The following FRYL variants were observed in gnomAD, a reference collection of about 807,000 sequenced individuals.
FRYL encodes protein furry homolog-like.
In FRYL, 150 loss-of-function variants were observed where a neutral mutation model predicts 351.2. The observed-to-expected ratio is 0.43, with a 90% CI of 0.37 to 0.49. The LOEUF is 0.49. Among genes scored for constraint, FRYL ranks in the 20% least tolerant of loss-of-function variants. The probability of loss-of-function intolerance (pLI) is 0.00; values close to 1 mark genes in which losing one functional copy is unlikely to be tolerated. For synonymous variants in FRYL, 1,153 were observed against 1,257.1 expected, an observed-to-expected ratio of 0.92 and a Z score of 1.75; for missense variants, 3,036 against 3,619.3, an observed-to-expected ratio of 0.84 and a Z score of 4.13.
intron 55 of FRYL, among the ~76,000 whole-genome samples, chr4:48,517,535 C>T (rs1465184210): frequency 6.6e-6 from 1 of 152,114 alleles, no homozygotes; most frequent in Non-Finnish European, 1.5e-5. Context: ...TAGACAATGA[C>T]ACATGCACAT....
rs1719055133 is a variant in FRYL, at chr4:48,499,460, C to G, written c.9004G>C (p.Ala3002Pro). The change falls in exon 64 of 64, where the codon GCC becomes CCC. Residue 3002 changes from alanine to proline, a missense_variant. Physicochemically the swap from Ala to Pro is conservative, Grantham distance 27. Around this residue, in one of 7 missense-constraint regions of FRYL, gnomAD observed 1,987 missense variants for 2,311.7 expected, o/e 0.86. Transcript: ENST00000358350. ...CTCACCATATTTCCCATTGGTTTGGCCTGTGCTAGAAGTTGGTATGATTGC... is the reference window on the plus strand; with the variant it reads ...CTCACCATATTTCCCATTGGTTTGGGCTGTGCTAGAAGTTGGTATGATTGC... ...MVQSYQLLAQAKPMGNMVSTG... is the reference protein window; with the variant it reads ...MVQSYQLLAQPKPMGNMVSTG... 1 of 1,613,992 alleles carries G rather than the reference C, an allele frequency of 6.2e-7. No individual in the cohort carries two copies.
chr4:48,740,515 G>C (rs565737491), intron 1 of FRYL, among the ~76,000 whole-genome samples: 7 of 151,802 alleles, frequency 4.6e-5, no homozygotes, highest in Non-Finnish European at 1.0e-4. Context: ...GGCTGGTCTC[G>C]AACTCCTGAC....
chr4:48,688,955 G>A (rs930626362), intron 2 of FRYL, among the ~76,000 whole-genome samples: 8 of 151,832 alleles, frequency 5.3e-5, no homozygotes, highest in Non-Finnish European at 7.4e-5. Flanking sequence ...GAGCTACCGC[G>A]GCCAGCCTCT....
At chr4:48,534,453 C>T (rs2148897497) in intron 49 of FRYL, 92 bp downstream of exon 49, 1 of 954,520 alleles carries the variant, frequency 1.0e-6, no homozygotes, top group Non-Finnish European at 1.6e-6. Context: ...ACCACTTCCC[C>T]ATTCTTCGAC....
At chr4:48,711,007 C>T (rs1221375329) in intron 1 of FRYL, among the ~76,000 whole-genome samples, 10 of 152,146 alleles carry the variant, frequency 6.6e-5, no homozygotes, top group African/African-American at 9.7e-5. Context: ...TATTACCTTG[C>T]CATGAAAAGG....
chr4:48,588,035 G>A (rs757866672), intron 18 of FRYL, among the ~76,000 whole-genome samples: 27 of 152,094 alleles, frequency 1.8e-4, no homozygotes, highest in African/African-American at 6.3e-4. Flanking sequence ...CTTTGCTTTC[G>A]CTCTTTGGTC....
intron 3 of FRYL, among the ~76,000 whole-genome samples, chr4:48,662,706 A>T (rs908475492): frequency 3.3e-5 from 5 of 150,770 alleles, no homozygotes; most frequent in Non-Finnish European, 5.9e-5. Flanking sequence ...TGGGCAGATC[A>T]ATTGAGCCCA....
chr4:48,685,069 T>A (rs185400388), intron 2 of FRYL, among the ~76,000 whole-genome samples: 57 of 152,280 alleles, frequency 3.7e-4, no homozygotes, highest in African/African-American at 1.3e-3. Context: ...TTCATTTATA[T>A]CTTCATCCAC....
At chr4:48,668,886 T>C in intron 3 of FRYL, among the ~76,000 whole-genome samples, 1 of 152,212 alleles carries the variant, frequency 6.6e-6, no homozygotes, top group East Asian at 1.9e-4. Flanking sequence ...GGTTAACCCT[T>C]GGACTGAATA....
chr4:48,511,616 C>A (rs538224726), intron 57 of FRYL, among the ~76,000 whole-genome samples: 1 of 152,026 alleles, frequency 6.6e-6, no homozygotes, highest in Non-Finnish European at 1.5e-5. Context: ...AGCATAAATC[C>A]GCACTTTCAG....
At chr4:48,526,757 G>C (rs1726324633) in intron 53 of FRYL, among the ~76,000 whole-genome samples, 1 of 152,098 alleles carries the variant, frequency 6.6e-6, no homozygotes, top group Non-Finnish European at 1.5e-5. Flanking sequence ...TACTTTCTGA[G>C]TTTTAAATTC....
In FRYL at chr4:48,565,705, AAGAT is replaced by A. The variant is rs1490362884; in HGVS notation, c.3170-18_3170-15del. 5.6e-6 allele frequency: 9 copies of A among 1,602,264 alleles called. No individual in the cohort carries two copies. The highest frequency in any genetic ancestry group is 6.8e-6 in the Non-Finnish European group (8 of 1,176,460). On this transcript the variant is annotated splice_polypyrimidine_tract_variant and intron_variant, in intron 28 of 63. Transcript: ENST00000358350. The stretch of plus-strand genomic sequence containing the variant: ...TTCTCTGGTGCACTGTGAATAAAAA[AAGAT>A]AGAAAACATTTATTTCCATTTCTTT...
At chr4:48,728,391 C>T (rs1376626370) in intron 1 of FRYL, among the ~76,000 whole-genome samples, 1 of 151,302 alleles carries the variant, frequency 6.6e-6, no homozygotes. Flanking sequence ...AACTGTGGGA[C>T]AATTACAAAG....
At chr4:48,515,594 G>A (rs1404051469) in intron 55 of FRYL, among the ~76,000 whole-genome samples, 2 of 152,052 alleles carry the variant, frequency 1.3e-5, no homozygotes, top group South Asian at 2.1e-4. Context: ...GGATGGTCTC[G>A]ATCTCTTGAC....
intron 61 of FRYL, 124 bp downstream of exon 61, chr4:48,502,704 G>A (rs1719977656): frequency 4.7e-6 from 3 of 643,590 alleles, no homozygotes; most frequent in South Asian, 4.6e-5. Context: ...CAAAACTGAA[G>A]CACATACTAC....
intron 2 of FRYL, among the ~76,000 whole-genome samples, chr4:48,706,281 T>C (rs1767336213): frequency 1.3e-5 from 2 of 152,210 alleles, no homozygotes; most frequent in South Asian, 4.1e-4. Context: ...AAATGTGGTA[T>C]GTAAATACAA....
chr4:48,595,929 T>G lies in FRYL; in HGVS notation c.1107A>C (p.Arg369Ser). The change falls in exon 14 of 64, where the codon AGA (arginine) becomes AGC (serine). Residue 369 changes from arginine (R) to serine (S), a missense_variant. Physicochemically the swap from Arg to Ser is moderately radical, Grantham distance 110. This residue lies in a region of FRYL where 457 missense variants were observed against 566.6 expected (regional missense o/e 0.81). Transcript: ENST00000358350. ...LYRLLWVYVI[R>S]IKCESNTVTQ... ...TTACAGTGTTGCTTTCACATTTTATTCTAATTACATAAACCCACAATAATC... is the reference window on the plus strand; with the variant it reads ...TTACAGTGTTGCTTTCACATTTTATGCTAATTACATAAACCCACAATAATC... 1.2e-6 allele frequency: 2 copies of G among 1,603,296 alleles called. No individual in the cohort carries two copies. Among genetic ancestry groups the G allele is most frequent in the Non-Finnish European group, 1.7e-6 (2 of 1,175,414 alleles).
chr4:48,756,292 T>C (rs1255779222), intron 1 of FRYL, among the ~76,000 whole-genome samples: 1 of 151,878 alleles, frequency 6.6e-6, no homozygotes. Flanking sequence ...ATTGGTAAAC[T>C]TTTGTTTCCA....
Position 48,535,660 on chromosome 4 carries a change from T to G in FRYL, c.6561A>C (p.Ala2187=), listed in dbSNP as rs548120023. Residue 2187 remains alanine (A), a synonymous_variant, in exon 48 of 64, where the codon GCA becomes GCC. Coordinates refer to ENST00000358350, the MANE Select transcript of FRYL (RefSeq NM_015030.2). ...AAAATATTTTTGGTAAATTTACCTCTGCAAGATAAGTCACAAGATTAAATG... is the reference window on the plus strand; with the variant it reads ...AAAATATTTTTGGTAAATTTACCTCGGCAAGATAAGTCACAAGATTAAATG... The part of the protein sequence containing the change: ...DTTFNLVTYL[A]ELLEKGLSSM... 1 of 1,576,472 alleles carries G rather than the reference T, an allele frequency of 6.3e-7. No homozygotes were observed. The highest frequency in any genetic ancestry group is 1.2e-5 in the South Asian group (1 of 84,384).
Sources: gnomAD v4.1 joint callset for allele counts (sites outside exome capture counted in the v4.1 genomes callset) on GRCh38, gnomAD v4.1.1 for gene constraint, gnomAD v4.1.1 regional missense constraint, MANE v1.5 for transcripts, NCBI Gene and HGNC (gene_info 2026-07-23, HGNC 2026-07-21) for gene names.